The following ZNF410 variants were observed in gnomAD, a reference collection of about 807,000 sequenced individuals.
ZNF410 encodes another partner for ARF 1.
ZNF410 carries 18 observed loss-of-function variants against 54.8 expected under a neutral mutation model. The observed-to-expected ratio is 0.33, with a 90% CI of 0.23 to 0.49. ZNF410 has a LOEUF of 0.49. Ranked by LOEUF, ZNF410 falls within the 20% of genes least tolerant of loss-of-function variation. The pLI is 0.99. For missense variants in ZNF410, 405 were observed against 569.6 expected, an observed-to-expected ratio of 0.71 and a Z score of 2.94; for synonymous variants, 191 against 207.3, an observed-to-expected ratio of 0.92 and a Z score of 0.68.
At chr14:73,915,902 T>C (rs2055660451) in intron 8 of ZNF410, 1 of 152,204 alleles carries the variant, frequency 6.6e-6, no homozygotes, top group Non-Finnish European at 1.5e-5. Context: ...TGTATAGTCC[T>C]ATTTATGTGG....
intron 11 of ZNF410, chr14:73,927,089 ATTT>A (rs113156661): frequency 2.6e-5 from 4 of 151,322 alleles, no homozygotes; most frequent in South Asian, 1.6e-4. Flanking sequence ...GTTTATTATG[ATTT>A]TTTTTTTTTT....
At chr14:73,917,132 A>C (rs1199730182) in intron 8 of ZNF410, among the ~76,000 whole-genome samples, 1 of 152,144 alleles carries the variant, frequency 6.6e-6, no homozygotes, top group Non-Finnish European at 1.5e-5. Context: ...ATTTTTTTGT[A>C]CTTTATTTTT....
intron 7 of ZNF410, among the ~76,000 whole-genome samples, chr14:73,905,891 A>G (rs1269151577): frequency 6.8e-6 from 1 of 147,816 alleles, no homozygotes; most frequent in Non-Finnish European, 1.5e-5. Context: ...TAAAAGGCAT[A>G]TATATACATA....
chr14:73,922,365 CTG>C (rs1257717741), intron 10 of ZNF410, 159 bp downstream of exon 10: 1 of 726,998 alleles, frequency 1.4e-6, no homozygotes, highest in East Asian at 3.3e-5. Context: ...ATTAGTCAAT[CTG>C]TTTAAAAAAA....
chr14:73,904,811 T>C, intron 6 of ZNF410, 91 bp from the exon 7 acceptor site: 1 of 1,406,342 alleles, frequency 7.1e-7, no homozygotes, highest in East Asian at 2.4e-5. Context: ...TTGGACTTAC[T>C]GTTTGCCTTG....
At chr14:73,911,711 T>C (rs1345047103) in intron 8 of ZNF410, among the ~76,000 whole-genome samples, 2 of 152,208 alleles carry the variant, frequency 1.3e-5, no homozygotes, top group Non-Finnish European at 2.9e-5. Context: ...AACCAATCCA[T>C]GTTCAGTTTT....
At chr14:73,927,850 A>ATTTTTTTTTTT (rs769693607) in intron 11 of ZNF410, 1 of 135,246 alleles carries the variant, frequency 7.4e-6, no homozygotes, top group Non-Finnish European at 1.5e-5. Context: ...TTTTTTTTTA[A>ATTTTTTTTTTT]TTTTTTAGAC....
chr14:73,906,147 C>T (rs1238799307), intron 7 of ZNF410, among the ~76,000 whole-genome samples: 2 of 151,400 alleles, frequency 1.3e-5, no homozygotes, highest in South Asian at 2.1e-4. Context: ...TACAGGCACC[C>T]GCCACCAGGC....
intron 11 of ZNF410, among the ~76,000 whole-genome samples, chr14:73,923,919 C>T (rs1378280128): frequency 3.3e-5 from 5 of 152,164 alleles, no homozygotes. Context: ...GGTGAAATTT[C>T]TGTACCAGAC....
At chr14:73,922,240 A>T in intron 10 of ZNF410, 34 bp downstream of exon 10, 4 of 1,602,490 alleles carry the variant, frequency 2.5e-6, no homozygotes, top group Non-Finnish European at 3.4e-6. Flanking sequence ...TTTGGGAAAA[A>T]TGGGCTGCAA....
chr14:73,929,892 C>T (rs2055886402), intron 11 of ZNF410, among the ~76,000 whole-genome samples: 1 of 152,054 alleles, frequency 6.6e-6, no homozygotes, highest in African/African-American at 2.4e-5. Context: ...GGTGGACAAT[C>T]TCTATTTTCC....
At position 73,931,313 on chromosome 14, in the gene ZNF410, G is replaced by C. The variant is rs2055910526; in HGVS notation, c.1399-190G>C. 1.3e-5 allele frequency among the ~76,000 whole-genome samples: 2 copies of C among 152,180 alleles called. 1 individual carries two copies. Among genetic ancestry groups the C allele is most frequent in the South Asian group, 4.1e-4 (2 of 4,830 alleles). The stretch of plus-strand genomic sequence containing the variant: ...AGTTAAAATGCCAGCCTTATGACAT[G>C]GCTAAAGTGCTGTCCCAAGGCCACA... On this transcript the variant is annotated intron_variant, in intron 11 of 11. Transcript: ENST00000555044.
chr14:73,930,072 C>T (rs546888492), intron 11 of ZNF410, among the ~76,000 whole-genome samples: 46 of 152,240 alleles, frequency 3.0e-4, no homozygotes, highest in African/African-American at 1.1e-3. Flanking sequence ...AAGAGATTCC[C>T]AGCTAGTTTT....
intron 1 of ZNF410, chr14:73,891,720 T>A: frequency 3.1e-6 from 1 of 324,840 alleles, no homozygotes; most frequent in East Asian, 7.4e-5. Context: ...GGGGTGTGTG[T>A]GTGTGTATAC....
intron 11 of ZNF410, among the ~76,000 whole-genome samples, chr14:73,928,994 C>T (rs1253413660): frequency 1.3e-5 from 2 of 152,020 alleles, no homozygotes; most frequent in African/African-American, 4.8e-5. Context: ...GGCACAAAAC[C>T]CAGTTTCATA....
At chr14:73,892,671 G>A (rs1285210447) in intron 2 of ZNF410, among the ~76,000 whole-genome samples, 1 of 152,140 alleles carries the variant, frequency 6.6e-6, no homozygotes, top group Non-Finnish European at 1.5e-5. Context: ...GTGTTGCAGA[G>A]TGGTCACTGA....
chr14:73,919,886 G>GTTTTTTTTTTTTTTTTTTTTTT (rs1158550117), intron 8 of ZNF410, among the ~76,000 whole-genome samples: 1 of 62,026 alleles, frequency 1.6e-5, no homozygotes, highest in African/African-American at 6.2e-5. Flanking sequence ...TATTGTATAG[G>GTTTTTTTTTTTTTTTTTTTTTT]TTTTTTTTTT....
chr14:73,895,192 A>T (rs1255752608), intron 3 of ZNF410: 1 of 152,192 alleles, frequency 6.6e-6, no homozygotes, highest in Non-Finnish European at 1.5e-5. Context: ...GTATAAACAA[A>T]CAATAATTAA....
At chr14:73,910,214 A>G (rs2055556182) in intron 8 of ZNF410, among the ~76,000 whole-genome samples, 1 of 152,210 alleles carries the variant, frequency 6.6e-6, no homozygotes, top group South Asian at 2.1e-4. Context: ...ACCTGATGAG[A>G]ACTTGGCTTA....
Sources: allele counts gnomAD v4.1 joint callset (sites outside exome capture counted in the v4.1 genomes callset), GRCh38; gene constraint gnomAD v4.1.1; transcripts MANE v1.5; gene names NCBI Gene and HGNC (gene_info 2026-07-23, HGNC 2026-07-21).